The following CERK variants were observed in gnomAD, a reference collection of about 807,000 sequenced individuals.
CERK encodes the protein acylsphingosine kinase.
CERK carries 39 observed loss-of-function variants against 63.4 expected under a neutral mutation model. That is an observed-to-expected ratio of 0.61 (90% CI 0.48 to 0.80). The LOEUF is 0.80. Among genes scored for constraint, CERK ranks in the 30% least tolerant of loss-of-function variants. The pLI is 0.00. For synonymous variants in CERK, 302 were observed against 280.0 expected, an observed-to-expected ratio of 1.08 and a Z score of -0.78; for missense variants, 670 against 714.1, an observed-to-expected ratio of 0.94 and a Z score of 0.70.
chr22:46,694,619 C>T (rs1295418742), intron 9 of CERK, among the ~76,000 whole-genome samples: 1 of 152,160 alleles, frequency 6.6e-6, no homozygotes, highest in African/African-American at 2.4e-5. Flanking sequence ...GTTGCCAGCC[C>T]GAGCCTTCTT....
chr22:46,714,194 C>G lies in CERK; in HGVS notation c.380-1901G>C, dbSNP rs960585529. Among the ~76,000 whole-genome samples, 2 of 152,200 alleles carry G rather than the reference C, an allele frequency of 1.3e-5. No homozygotes were observed. Among genetic ancestry groups the G allele is most frequent in the African/African-American group, 4.8e-5 (2 of 41,446 alleles). On this transcript the variant is annotated intron_variant, in intron 3 of 12. Transcript: ENST00000216264. This position sits in a 1 kb window ranked among gnomAD's most constrained non-coding sequence, Gnocchi z 4.4. The stretch of plus-strand genomic sequence containing the variant: ...GCTGAGGCAGGAGAATCACTTGAAC[C>G]CAGGAAGTGGAGGTTGCAGTGAGCC...
At chr22:46,703,696 C>T (rs2082798951) in intron 6 of CERK, among the ~76,000 whole-genome samples, 1 of 152,224 alleles carries the variant, frequency 6.6e-6, no homozygotes, top group African/African-American at 2.4e-5. Context: ...CCGTCCAAGC[C>T]ACCAGCGTTC....
At chr22:46,729,180 T>G (rs910855456) in intron 1 of CERK, among the ~76,000 whole-genome samples, 1 of 152,042 alleles carries the variant, frequency 6.6e-6, no homozygotes, top group Non-Finnish European at 1.5e-5. Flanking sequence ...CTGGACAACA[T>G]AGTGAGGCCC....
intron 3 of CERK, among the ~76,000 whole-genome samples, chr22:46,713,740 G>A (rs1226980062): frequency 6.6e-6 from 1 of 152,150 alleles, no homozygotes; most frequent in Non-Finnish European, 1.5e-5. Flanking sequence ...GAGACTGGAG[G>A]CTTCCACCCA....
intron 7 of CERK, among the ~76,000 whole-genome samples, chr22:46,700,654 A>G (rs2146553515): frequency 6.6e-6 from 1 of 152,314 alleles, no homozygotes; most frequent in African/African-American, 2.4e-5. Context: ...TCGAGGCTAC[A>G]GTGAGTCAAG....
chr22:46,689,520 A>G (rs1423872305), intron 12 of CERK, among the ~76,000 whole-genome samples: 1 of 152,086 alleles, frequency 6.6e-6, no homozygotes, highest in East Asian at 1.9e-4. Context: ...ACAGGCATGC[A>G]CCATCACACC....
Position 46,690,037 on chromosome 22 carries a change from C to G in CERK, c.1496G>C (p.Trp499Ser), listed in dbSNP as rs769460833. The G allele has an allele frequency of 6.2e-7, 1 of 1,612,956 alleles. No homozygotes were observed. Among genetic ancestry groups the G allele is most frequent in the South Asian group, 1.1e-5 (1 of 91,066 alleles). Residue 499 changes from tryptophan to serine, a missense_variant, in exon 12 of 13, where the codon TGG (tryptophan) becomes TCG (serine). Transcript: ENST00000216264. ...SCCCTVSNSS[W>S]NCDGEVLHSP... Reference sequence around the variant, plus strand: ...GTGCAGGACCTCCCCGTCGCAGTTCCAGGAGCTGTTGGAGACGGTGCAGCA... The same window carrying G: ...GTGCAGGACCTCCCCGTCGCAGTTCGAGGAGCTGTTGGAGACGGTGCAGCA...
In CERK at chr22:46,691,086, T is replaced by C. The variant is rs865976916; in HGVS notation, c.1332+486A>G. On this transcript the variant is annotated intron_variant, in intron 11 of 12. Transcript: ENST00000216264. ...ACACACACACACACACACACACACA[T>C]ATATTTGAGATGGAGTCTCACTCTG... Among the ~76,000 whole-genome samples the C allele has an allele frequency of 7.9e-3, 683 of 86,568 alleles. 2 individuals are homozygous for C. Among genetic ancestry groups the C allele is most frequent in the African/African-American group, 0.018 (432 of 23,432 alleles). The allele number at this position is 86,568 out of a possible 152,430, so 56.8% of individuals were successfully genotyped here.
At chr22:46,699,559 G>A in intron 7 of CERK, 94 bp from the exon 8 acceptor site, 2 of 1,192,448 alleles carry the variant, frequency 1.7e-6, no homozygotes, top group Non-Finnish European at 1.2e-6. Flanking sequence ...AAACGTGGGA[G>A]TTACTTTTAA....
At chr22:46,700,464 G>A (rs572197545) in intron 7 of CERK, among the ~76,000 whole-genome samples, 12 of 152,300 alleles carry the variant, frequency 7.9e-5, no homozygotes, top group African/African-American at 2.2e-4. Flanking sequence ...AGTGGCTCAC[G>A]CCTATAATCC....
At position 46,688,169 on chromosome 22, in the gene CERK, CAA is replaced by C. The variant is rs140838169; in HGVS notation, c.1542-965_1542-964del. 1.6e-4 allele frequency among the ~76,000 whole-genome samples: 24 copies of C among 152,174 alleles called. No homozygotes were observed. In the East Asian group the frequency reaches 4.4e-3, roughly 28 times the overall value. ...CGCCATTGCACTCCAGCCTGGGCAA[CAA>C]GAGCAAAACTCTGTCTCAAAAAATA... On this transcript the variant is annotated intron_variant, in intron 12 of 12. Transcript: ENST00000216264.
At chr22:46,703,622 A>G (rs2082798496) in intron 6 of CERK, among the ~76,000 whole-genome samples, 1 of 152,130 alleles carries the variant, frequency 6.6e-6, no homozygotes, top group African/African-American at 2.4e-5. Flanking sequence ...GCTGCGGAGC[A>G]GAGACTCCAC....
chr22:46,704,395 A>C (rs1466826123), intron 6 of CERK, among the ~76,000 whole-genome samples: 1 of 152,236 alleles, frequency 6.6e-6, no homozygotes, highest in Non-Finnish European at 1.5e-5. Context: ...CATAGATGAG[A>C]ATGCAGAAAA....
chr22:46,725,307 C>T (rs1019635121), intron 1 of CERK, among the ~76,000 whole-genome samples: 22 of 151,972 alleles, frequency 1.4e-4, no homozygotes, highest in Admixed American at 9.8e-4. Flanking sequence ...TCAGGAAACA[C>T]TTGCCAGCGT....
intron 1 of CERK, among the ~76,000 whole-genome samples, chr22:46,723,043 C>T (rs2082900427): frequency 6.6e-6 from 1 of 152,160 alleles, no homozygotes; most frequent in Non-Finnish European, 1.5e-5. Flanking sequence ...GGGTATGACT[C>T]TGAATAGCTA....
At chr22:46,690,245 C>A in intron 11 of CERK, 45 bp from the exon 12 acceptor site, 1 of 1,555,218 alleles carries the variant, frequency 6.4e-7, no homozygotes, top group South Asian at 1.1e-5. Context: ...TAAACGTCAT[C>A]GTCTGGGTGG....
chr22:46,718,450 G>C (rs1036468881), intron 3 of CERK, among the ~76,000 whole-genome samples: 1 of 152,182 alleles, frequency 6.6e-6, no homozygotes, highest in African/African-American at 2.4e-5. Flanking sequence ...GCCTAGTGCG[G>C]AACGACATGC....
chr22:46,710,443 A>G (rs1448801301), intron 5 of CERK, among the ~76,000 whole-genome samples: 1 of 152,192 alleles, frequency 6.6e-6, no homozygotes, highest in Admixed American at 6.5e-5. Context: ...CGAAAAAAAA[A>G]AAAAAGAATG....
At chr22:46,735,020 G>T (rs949242509) in intron 1 of CERK, 1 of 152,564 alleles carries the variant, frequency 6.6e-6, no homozygotes, top group Non-Finnish European at 1.5e-5. Flanking sequence ...TTGGTGGAAG[G>T]AAGGGGAGGA....
Sources: gnomAD v4.1 joint callset for allele counts (sites outside exome capture counted in the v4.1 genomes callset) on GRCh38, gnomAD v4.1.1 for gene constraint, Gnocchi (gnomAD v3.1) non-coding constraint, MANE v1.5 for transcripts, NCBI Gene and HGNC (gene_info 2026-07-23, HGNC 2026-07-21) for gene names.